The following PAK6 variants were observed in gnomAD, a reference collection of about 807,000 sequenced individuals.
The protein encoded by PAK6 is serine/threonine-protein kinase PAK 6.
Under a neutral mutation model 60.8 loss-of-function variants are expected in PAK6, and 33 were observed. That is an observed-to-expected ratio of 0.54 (90% CI 0.41 to 0.73). The LOEUF is 0.73. Among genes scored for constraint, PAK6 ranks in the 30% least tolerant of loss-of-function variants. PAK6 has a pLI of 0.00. For synonymous variants in PAK6, 404 were observed against 378.5 expected (o/e 1.07, Z -0.78); for missense variants, 845 against 904.1 (o/e 0.93, Z 0.84).
At chr15:40,270,224 C>G (rs986820339) in intron 5 of PAK6, among the ~76,000 whole-genome samples, 1 of 152,178 alleles carries the variant, frequency 6.6e-6, no homozygotes, top group Non-Finnish European at 1.5e-5. Context: ...CCTCTGTTCC[C>G]AGGACCTGGT....
rs567099977 is a variant in PAK6 at position 40,267,295 on chromosome 15, G to C, written c.858+800G>C. ...GTGAGTGTGGCCCAGCCTGCACAGG[G>C]TGTGGGTTTGGGGATGACCCGGACT... On this transcript the variant is annotated intron_variant, in intron 5 of 10. Coordinates refer to ENST00000560346, the Ensembl canonical transcript of PAK6. Among the ~76,000 whole-genome samples the C allele has an allele frequency of 7.9e-5, 12 of 152,282 alleles. No individual in the cohort carries two copies. In the East Asian group the frequency reaches 2.3e-3, roughly 29 times the overall value.
intron 1 of PAK6, 156 bp from the exon 2 acceptor site, chr15:40,240,443 G>A: frequency 2.9e-6 from 1 of 346,472 alleles, no homozygotes; most frequent in Non-Finnish European, 5.7e-6. Flanking sequence ...AGCTTTGCGG[G>A]CACCAGTGAG....
chr15:40,266,700 T>C (rs2039148692), intron 5 of PAK6: 2 of 512,454 alleles, frequency 3.9e-6, no homozygotes, highest in South Asian at 3.3e-5. Context: ...CTTTTCTCTG[T>C]GGCTGTTGTG....
At position 40,272,389 on chromosome 15, in the gene PAK6, C is replaced by T. The variant is rs371395174; in HGVS notation, c.1024C>T (p.Leu342Phe). Residue 342 changes from leucine to phenylalanine, a missense_variant, in exon 6 of 11, where the codon CTT becomes TTT. Coordinates refer to ENST00000560346, the Ensembl canonical transcript of PAK6. ...CCGCACAGCCCCGGCCACAGGCCAG[C>T]TTCCAGGCCGGTCTTCCCCAGCGGG... 5 of 1,613,652 alleles carry T rather than the reference C, an allele frequency of 3.1e-6. No homozygotes were observed. In the African/African-American group the frequency reaches 6.7e-5, roughly 21 times the overall value.
chr15:40,269,067 G>A (rs905841989), intron 5 of PAK6, among the ~76,000 whole-genome samples: 7 of 152,210 alleles, frequency 4.6e-5, no homozygotes, highest in Admixed American at 1.3e-4. Flanking sequence ...CGCCCAGGCT[G>A]GAGTGCAGTG....
chr15:40,268,930 A>G (rs922339958), intron 5 of PAK6, among the ~76,000 whole-genome samples: 1 of 152,246 alleles, frequency 6.6e-6, no homozygotes, highest in Admixed American at 6.5e-5. Flanking sequence ...CAGTGCCTAC[A>G]GGACAACCAA....
intron 7 of PAK6, 63 bp from the exon 8 acceptor site, chr15:40,273,277 GCTCAGC>G: frequency 6.4e-7 from 1 of 1,568,226 alleles, no homozygotes; most frequent in Non-Finnish European, 8.7e-7. Flanking sequence ...CTCCTACTCT[GCTCAGC>G]CACCCCACGA....
chr15:40,239,387 C>G (rs1367058509), upstream of PAK6: 1 of 152,428 alleles, frequency 6.6e-6, no homozygotes, highest in Admixed American at 6.5e-5. Flanking sequence ...CCGCCCGCCT[C>G]GAGCTGTTCT....
intron 2 of PAK6, chr15:40,244,788 G>C (rs1186363806): frequency 6.6e-6 from 1 of 152,178 alleles, no homozygotes; most frequent in African/African-American, 2.4e-5. Flanking sequence ...CAACCCCAGA[G>C]CATGACAGGC....
intron 3 of PAK6, among the ~76,000 whole-genome samples, chr15:40,261,410 G>A (rs1471974125): frequency 2.6e-5 from 4 of 151,782 alleles, no homozygotes; most frequent in African/African-American, 7.3e-5. Flanking sequence ...GATGGCGTGC[G>A]CCTGTAGTCC....
chr15:40,263,851 AGGTGATCCACCCGCCTC>A, intron 3 of PAK6: 1 of 454,138 alleles, frequency 2.2e-6, no homozygotes, highest in South Asian at 1.6e-5. Context: ...TCCTGACCTC[AGGTGATCCACCCGCCTC>A]GGCCTCCCAG....
At chr15:40,255,152 C>G (rs1274604421) in intron 3 of PAK6, among the ~76,000 whole-genome samples, 1 of 152,108 alleles carries the variant, frequency 6.6e-6, no homozygotes, top group Admixed American at 6.5e-5. Context: ...CATTGAGGAC[C>G]CTATGCTAAG....
chr15:40,276,046 C>T, exon 11 of PAK6: 1 of 1,613,820 alleles, frequency 6.2e-7, no homozygotes. Flanking sequence ...TACCTGAGTG[C>T]CTGGTGCCCC....
exon 5 of PAK6, chr15:40,266,223 G>A: frequency 6.2e-7 from 1 of 1,610,118 alleles, no homozygotes; most frequent in Non-Finnish European, 8.5e-7. Context: ...TCTGCAGCTG[G>A]GTGCCTGCCT....
chr15:40,252,994 G>A, intron 2 of PAK6, 184 bp from the exon 3 acceptor site: 1 of 486,304 alleles, frequency 2.1e-6, no homozygotes, highest in Non-Finnish European at 3.3e-6. Flanking sequence ...GCGGTGCTGC[G>A]CCCAACGTCC....
intron 2 of PAK6, among the ~76,000 whole-genome samples, chr15:40,243,147 C>G (rs1369348934): frequency 6.6e-6 from 1 of 152,118 alleles, no homozygotes; most frequent in Non-Finnish European, 1.5e-5. Flanking sequence ...AAATTTACAC[C>G]AATACTGGGC....
At chr15:40,247,776 C>T (rs576494511) in intron 2 of PAK6, among the ~76,000 whole-genome samples, 67 of 152,262 alleles carry the variant, frequency 4.4e-4, no homozygotes, top group East Asian at 3.1e-3. Flanking sequence ...GCTCTCTTTC[C>T]GGAACCCGGG....
At chr15:40,269,111 T>C (rs1470173700) in intron 5 of PAK6, among the ~76,000 whole-genome samples, 1 of 152,182 alleles carries the variant, frequency 6.6e-6, no homozygotes, top group Admixed American at 6.5e-5. Flanking sequence ...CTCCACCTCC[T>C]GGGTTCAAGT....
rs753035395 is a variant in PAK6, at chr15:40,272,852, C to G, written c.1357-14C>G. The G allele has an allele frequency of 8.6e-5, 139 of 1,612,432 alleles. No individual in the cohort carries two copies. Among genetic ancestry groups the G allele is most frequent in the Non-Finnish European group, 7.1e-5 (84 of 1,179,252 alleles). ...GGCACTGTGCCTGGCACTCAGGCCC[C>G]CGCCTGCCCCCAGGTGGTGATCATG... On this transcript the variant is annotated splice_polypyrimidine_tract_variant and intron_variant, in intron 6 of 10. Coordinates refer to ENST00000560346, the Ensembl canonical transcript of PAK6.
Sources: gnomAD v4.1 joint callset for allele counts (sites outside exome capture counted in the v4.1 genomes callset) on GRCh38, gnomAD v4.1.1 for gene constraint, MANE v1.5 for transcripts, NCBI Gene and HGNC (gene_info 2026-07-23, HGNC 2026-07-21) for gene names.